Variants in CCDC85A observed in about 807,000 individuals in gnomAD.
The protein encoded by CCDC85A is coiled-coil domain-containing protein 85A.
CCDC85A carries 38 observed loss-of-function variants against 50.2 expected under a neutral mutation model. That is an observed-to-expected ratio of 0.76 (90% CI 0.58 to 0.99). The LOEUF (loss-of-function observed/expected upper bound fraction) is 0.99, where lower values mean the gene tolerates loss of function less well. CCDC85A is among the 50% of genes least tolerant of loss of function. The pLI, the probability that CCDC85A is intolerant of heterozygous loss-of-function variation, is 0.00. For synonymous variants in CCDC85A, 366 were observed against 301.4 expected (o/e 1.21, Z -2.22); for missense variants, 820 against 742.0 (o/e 1.11, Z -1.22).
At chr2:56,287,481 G>A (rs922548869) in intron 2 of CCDC85A, among the ~76,000 whole-genome samples, 1 of 152,178 alleles carries the variant, frequency 6.6e-6, no homozygotes, top group African/African-American at 2.4e-5. Flanking sequence ...ATTGTCCAAT[G>A]TCTGAAAACA....
At chr2:56,374,615 C>T (rs902606221) in intron 4 of CCDC85A, among the ~76,000 whole-genome samples, 1 of 152,034 alleles carries the variant, frequency 6.6e-6, no homozygotes, top group African/African-American at 2.4e-5. Context: ...TCAAGACCAA[C>T]CTGGGCAACA....
intron 2 of CCDC85A, among the ~76,000 whole-genome samples, chr2:56,255,555 G>C (rs1354845584): frequency 6.6e-6 from 1 of 152,138 alleles, no homozygotes; most frequent in Non-Finnish European, 1.5e-5. Context: ...ATAGTGATTG[G>C]GAGTTTTCAC....
chr2:56,190,077 T>C (rs1448806372), intron 1 of CCDC85A, among the ~76,000 whole-genome samples: 2 of 152,188 alleles, frequency 1.3e-5, no homozygotes, highest in Admixed American at 6.5e-5. Flanking sequence ...CTTTAGGAAG[T>C]GGAGGATGTG....
Position 56,189,297 on chromosome 2 carries a change from G to GTTTTTTTTTTTTTTTTTTTTTT in CCDC85A, c.277-3165_277-3164insTTTTTTTTTTTTTTTTTTTTTT, listed in dbSNP as rs70955011. Among the ~76,000 whole-genome samples, 370 of 121,850 alleles carry GTTTTTTTTTTTTTTTTTTTTTT rather than the reference G, an allele frequency of 3.0e-3. 35 individuals carry two copies. Among genetic ancestry groups the GTTTTTTTTTTTTTTTTTTTTTT allele is most frequent in the African/African-American group, 0.012 (345 of 29,132 alleles). 79.9% of individuals were successfully genotyped at this position (121,850 alleles called of 152,430 possible). A position where few individuals can be genotyped will look rare whatever the true frequency, so the allele number is the denominator to read the frequency against. ...AAAACATGCACGGGGTATTTTTGGT[G>GTTTTTTTTTTTTTTTTTTTTTT]TTTTTTTTTTTTTTTGAGACAAGGT... On this transcript the variant is annotated intron_variant, in intron 1 of 5. Transcript: ENST00000407595.
At chr2:56,287,310 G>A (rs1671490725) in intron 2 of CCDC85A, among the ~76,000 whole-genome samples, 1 of 152,136 alleles carries the variant, frequency 6.6e-6, no homozygotes, top group African/African-American at 2.4e-5. Flanking sequence ...GTGGCTGCGA[G>A]CTTCAATTTG....
intron 5 of CCDC85A, among the ~76,000 whole-genome samples, chr2:56,382,376 A>G (rs933021275): frequency 2.0e-5 from 3 of 151,438 alleles, no homozygotes; most frequent in African/African-American, 7.3e-5. Flanking sequence ...TAGAGATTAG[A>G]TGTTGTTGAC....
At chr2:56,200,364 C>T (rs1379776025) in intron 2 of CCDC85A, among the ~76,000 whole-genome samples, 3 of 152,096 alleles carry the variant, frequency 2.0e-5, no homozygotes, top group Non-Finnish European at 4.4e-5. Context: ...ATTTTGGGAC[C>T]TATTAAGAAT....
intron 2 of CCDC85A, among the ~76,000 whole-genome samples, chr2:56,205,257 T>C (rs1005316321): frequency 6.6e-6 from 1 of 152,134 alleles, no homozygotes; most frequent in Non-Finnish European, 1.5e-5. Flanking sequence ...GGCACCAGGC[T>C]CTTCGTATGT....
intron 2 of CCDC85A, among the ~76,000 whole-genome samples, chr2:56,250,650 A>G (rs1324670556): frequency 6.6e-6 from 1 of 152,130 alleles, no homozygotes; most frequent in East Asian, 1.9e-4. Flanking sequence ...CAGAAATGAC[A>G]TATTATAGGA....
At chr2:56,251,757 G>T (rs1468915464) in intron 2 of CCDC85A, among the ~76,000 whole-genome samples, 5 of 151,674 alleles carry the variant, frequency 3.3e-5, no homozygotes, top group African/African-American at 7.3e-5. Context: ...AGCATCATGG[G>T]GCTTGGTCTT....
intron 3 of CCDC85A, among the ~76,000 whole-genome samples, chr2:56,364,839 A>G (rs1046990991): frequency 6.6e-6 from 1 of 151,276 alleles, no homozygotes; most frequent in African/African-American, 2.4e-5. Context: ...AGTGTAGGCA[A>G]TAAGTAATAC....
chr2:56,368,957 C>T (rs1178553939), intron 3 of CCDC85A, among the ~76,000 whole-genome samples: 2 of 151,948 alleles, frequency 1.3e-5, no homozygotes, highest in Non-Finnish European at 2.9e-5. Context: ...ATTTCCTTGA[C>T]TTCATTACTA....
At chr2:56,319,448 T>C (rs1005749053) in intron 2 of CCDC85A, among the ~76,000 whole-genome samples, 10 of 152,074 alleles carry the variant, frequency 6.6e-5, no homozygotes. Context: ...GCAGGGTAAC[T>C]CTTAAGCACC....
At chr2:56,289,853 G>A (rs537166876) in intron 2 of CCDC85A, among the ~76,000 whole-genome samples, 2 of 149,736 alleles carry the variant, frequency 1.3e-5, no homozygotes, top group African/African-American at 5.0e-5. Flanking sequence ...ATAAGAACAC[G>A]CTGGCAGTAA....
At chr2:56,361,489 C>A (rs901980697) in intron 3 of CCDC85A, among the ~76,000 whole-genome samples, 9 of 151,850 alleles carry the variant, frequency 5.9e-5, no homozygotes, top group African/African-American at 2.2e-4. Context: ...ATACATTACC[C>A]AAAAGAGGTA....
chr2:56,307,748 C>T (rs1277309015), intron 2 of CCDC85A, among the ~76,000 whole-genome samples: 1 of 152,144 alleles, frequency 6.6e-6, no homozygotes, highest in Non-Finnish European at 1.5e-5. Flanking sequence ...GATTAAAACG[C>T]ATGTCTCCAT....
chr2:56,297,295 A>G (rs763546881), intron 2 of CCDC85A, among the ~76,000 whole-genome samples: 55 of 151,944 alleles, frequency 3.6e-4, no homozygotes, highest in East Asian at 1.9e-4. Context: ...GGGGAAACTT[A>G]CTCAAAATAT....
At chr2:56,368,344 G>A (rs1675909456) in intron 3 of CCDC85A, among the ~76,000 whole-genome samples, 1 of 152,034 alleles carries the variant, frequency 6.6e-6, no homozygotes, top group South Asian at 2.1e-4. Context: ...GGTTTGCCAA[G>A]GTGACCTTTA....
At chr2:56,364,531 G>T (rs774062264) in intron 3 of CCDC85A, among the ~76,000 whole-genome samples, 7 of 152,076 alleles carry the variant, frequency 4.6e-5, no homozygotes, top group Non-Finnish European at 8.8e-5. Context: ...CACATGTCAG[G>T]AGAAAACCTT....
Sources: gnomAD v4.1 joint callset for allele counts (sites outside exome capture counted in the v4.1 genomes callset) on GRCh38, gnomAD v4.1.1 for gene constraint, MANE v1.5 for transcripts, NCBI Gene and HGNC (gene_info 2026-07-23, HGNC 2026-07-21) for gene names.